The following JMJD1C variants were observed in gnomAD, a reference collection of about 807,000 sequenced individuals.
JMJD1C encodes jumonji domain containing 1C.
In JMJD1C, 31 loss-of-function variants were observed where a neutral mutation model predicts 245.3. That is an observed-to-expected ratio of 0.13 (90% confidence interval 0.09 to 0.17). The LOEUF is 0.17. Among genes scored for constraint, JMJD1C ranks in the 10% least tolerant of loss-of-function variants. JMJD1C has a pLI of 1.00. For synonymous variants in JMJD1C, 1,057 were observed against 1,017.4 expected, an observed-to-expected ratio of 1.04 and a Z score of -0.74; for missense variants, 2,691 against 3,000.2, an observed-to-expected ratio of 0.90 and a Z score of 2.41.
At chr10:63,429,224 C>T (rs1950611655) in intron 1 of JMJD1C, among the ~76,000 whole-genome samples, 1 of 152,076 alleles carries the variant, frequency 6.6e-6, no homozygotes, top group Non-Finnish European at 1.5e-5. Context: ...GGTGATCCAC[C>T]CACCTCAGCC....
intron 2 of JMJD1C, among the ~76,000 whole-genome samples, chr10:63,314,922 T>TACAGGCTTGA (rs1307129894): frequency 1.3e-5 from 2 of 151,342 alleles, no homozygotes; most frequent in Non-Finnish European, 2.9e-5. Context: ...GTGCTGGGAT[T>TACAGGCTTGA]ACAGGCTTGA....
At chr10:63,246,652 TAA>T (rs1852241578) in intron 3 of JMJD1C, among the ~76,000 whole-genome samples, 1 of 151,806 alleles carries the variant, frequency 6.6e-6, no homozygotes, top group Non-Finnish European at 1.5e-5. Context: ...TTTAAAAATA[TAA>T]AAGCTACTGG....
intron 1 of JMJD1C, among the ~76,000 whole-genome samples, chr10:63,401,970 A>C (rs1251195097): frequency 6.6e-6 from 1 of 152,074 alleles, no homozygotes; most frequent in Non-Finnish European, 1.5e-5. Context: ...CCCCATCTCT[A>C]CTAAAAATAC....
intron 5 of JMJD1C, 82 bp downstream of exon 5, chr10:63,217,125 A>T (rs945186548): frequency 3.2e-6 from 4 of 1,241,112 alleles, no homozygotes; most frequent in Admixed American, 2.2e-5. Context: ...ATTATTTAGT[A>T]TCAAATTGTT....
At chr10:63,426,475 A>G (rs112528871) in intron 1 of JMJD1C, among the ~76,000 whole-genome samples, 3,769 of 152,280 alleles carry the variant, frequency 0.025, 113 homozygotes, top group African/African-American at 0.069. Flanking sequence ...GTTTGAGACT[A>G]GCCTGACCAA....
At chr10:63,174,889 G>C (rs990668697) in intron 24 of JMJD1C, among the ~76,000 whole-genome samples, 20 of 151,672 alleles carry the variant, frequency 1.3e-4, no homozygotes, top group African/African-American at 4.6e-4. Context: ...AATTTTTTCG[G>C]AGTGATGGAA....
intron 1 of JMJD1C, among the ~76,000 whole-genome samples, chr10:63,408,651 G>C (rs1949308695): frequency 6.6e-6 from 1 of 151,574 alleles, no homozygotes. Flanking sequence ...AGTCAAGTTT[G>C]AGAGTAGAAT....
chr10:63,481,641 C>G (rs1014600939), intron 1 of JMJD1C, among the ~76,000 whole-genome samples: 1 of 152,190 alleles, frequency 6.6e-6, no homozygotes, highest in Middle Eastern at 3.2e-3. Context: ...CCACCCAGAA[C>G]ATTTTTGGAT....
chr10:63,497,266 T>C (rs1331020691), intron 1 of JMJD1C, among the ~76,000 whole-genome samples: 1 of 152,090 alleles, frequency 6.6e-6, no homozygotes, highest in Admixed American at 6.6e-5. Context: ...AGCCAAAAAG[T>C]GGAAACAACC....
Position 63,314,548 on chromosome 10 carries a change from A to AACAC in JMJD1C, c.334-49788_334-49785dup, listed in dbSNP as rs71025155. Among the ~76,000 whole-genome samples the AACAC allele has an allele frequency of 6.6e-5, 10 of 151,838 alleles. 1 individual carries two copies. Among genetic ancestry groups the AACAC allele is most frequent in the South Asian group, 4.2e-4 (2 of 4,804 alleles). ...ACAACCAGAGTGAGACCCTGTCACA[A>AACAC]ACACACACACACAAACTATATTTTC... On this transcript the variant is annotated intron_variant, in intron 2 of 25. Transcript: ENST00000399262.
At chr10:63,195,874 A>G (rs1845399602) in intron 13 of JMJD1C, among the ~76,000 whole-genome samples, 1 of 152,182 alleles carries the variant, frequency 6.6e-6, no homozygotes, top group Admixed American at 6.5e-5. Flanking sequence ...GGTTGCAGTG[A>G]GCCGAGATTG....
chr10:63,183,308 A>AG, intron 22 of JMJD1C, 139 bp downstream of exon 22: 5 of 631,820 alleles, frequency 7.9e-6, no homozygotes, highest in Non-Finnish European at 1.3e-5. Flanking sequence ...TCAAGTAATA[A>AG]GGGCTAAAAT....
intron 3 of JMJD1C, among the ~76,000 whole-genome samples, chr10:63,246,341 T>C (rs1009998524): frequency 3.3e-5 from 5 of 151,800 alleles, no homozygotes; most frequent in African/African-American, 4.8e-5. Context: ...AGTAAAAACA[T>C]AGAGATTCAA....
chr10:63,436,438 C>T (rs1297752264), intron 1 of JMJD1C, among the ~76,000 whole-genome samples: 1 of 152,184 alleles, frequency 6.6e-6, no homozygotes, highest in Non-Finnish European at 1.5e-5. Flanking sequence ...GCTGTTTCCT[C>T]TACCATGATT....
intron 24 of JMJD1C, among the ~76,000 whole-genome samples, chr10:63,175,320 T>A (rs546540058): frequency 2.6e-5 from 4 of 152,270 alleles, no homozygotes; most frequent in African/African-American, 9.6e-5. Flanking sequence ...TGGGAAAATA[T>A]AACCACTTAA....
intron 5 of JMJD1C, among the ~76,000 whole-genome samples, 189 bp from the exon 6 acceptor site, chr10:63,215,885 A>G (rs1411984597): frequency 6.6e-6 from 1 of 152,218 alleles, no homozygotes; most frequent in Admixed American, 6.5e-5. Flanking sequence ...GAAACTCACC[A>G]TTTCAACTGC....
intron 2 of JMJD1C, among the ~76,000 whole-genome samples, chr10:63,335,695 C>T (rs1589510872): frequency 6.6e-6 from 1 of 152,160 alleles, no homozygotes; most frequent in South Asian, 2.1e-4. Context: ...ATTTTTAGTA[C>T]AGACGGGGTT....
chr10:63,190,030 A>G (rs1407241881), intron 17 of JMJD1C, among the ~76,000 whole-genome samples: 1 of 151,504 alleles, frequency 6.6e-6, no homozygotes, highest in Non-Finnish European at 1.5e-5. Flanking sequence ...AGTTGAGATT[A>G]CAAGCATGCA....
chr10:63,385,338 C>G (rs1040811619), intron 1 of JMJD1C, among the ~76,000 whole-genome samples: 2 of 149,072 alleles, frequency 1.3e-5, no homozygotes, highest in Admixed American at 1.4e-4. Flanking sequence ...TATTTTTCCA[C>G]GTGCAGATGG....
Sources: gnomAD v4.1 joint callset for allele counts (sites outside exome capture counted in the v4.1 genomes callset) on GRCh38, gnomAD v4.1.1 for gene constraint, MANE v1.5 for transcripts, NCBI Gene and HGNC (gene_info 2026-07-23, HGNC 2026-07-21) for gene names.